Variants in KIAA1217 observed in about 807,000 individuals in gnomAD.
KIAA1217 encodes the protein sickle tail protein homolog.
KIAA1217 carries 88 observed loss-of-function variants against 163.9 expected under a neutral mutation model. The ratio of observed to expected loss-of-function variants is 0.54; its 90% confidence interval spans 0.45 to 0.64. KIAA1217 has a LOEUF of 0.64. Ranked by LOEUF, KIAA1217 falls within the 30% of genes least tolerant of loss-of-function variation. The pLI, the probability that KIAA1217 is intolerant of heterozygous loss-of-function variation, is 0.00. For synonymous variants in KIAA1217, 903 were observed against 923.1 expected, an observed-to-expected ratio of 0.98 and a Z score of 0.39; for missense variants, 2,372 against 2,475.0, an observed-to-expected ratio of 0.96 and a Z score of 0.88.
intron 1 of KIAA1217, among the ~76,000 whole-genome samples, chr10:23,970,418 T>C (rs949087854): frequency 5.3e-5 from 8 of 152,190 alleles, no homozygotes; most frequent in African/African-American, 1.9e-4. Flanking sequence ...CTCATTTGTA[T>C]GTGGAGTCTA....
intron 2 of KIAA1217, among the ~76,000 whole-genome samples, chr10:24,263,240 C>A (rs1225354064): frequency 2.0e-5 from 3 of 152,194 alleles, no homozygotes; most frequent in Non-Finnish European, 1.5e-5. Flanking sequence ...AGTTGTACTT[C>A]CTTAATAATG....
At chr10:24,132,649 A>G (rs1321813373) in intron 2 of KIAA1217, among the ~76,000 whole-genome samples, 1 of 152,208 alleles carries the variant, frequency 6.6e-6, no homozygotes, top group East Asian at 1.9e-4. Context: ...AAAGTGAGGT[A>G]CCAGACCAAG....
At chr10:24,453,364 A>G (rs1280101098) in intron 5 of KIAA1217, among the ~76,000 whole-genome samples, 1 of 152,236 alleles carries the variant, frequency 6.6e-6, no homozygotes, top group Non-Finnish European at 1.5e-5. Context: ...TTTCTGGATT[A>G]TCTTACTAAA....
At chr10:23,742,673 C>T (rs983344584) in intron 1 of KIAA1217, among the ~76,000 whole-genome samples, 3 of 152,204 alleles carry the variant, frequency 2.0e-5, no homozygotes, top group African/African-American at 4.8e-5. Context: ...CCAAGCCATT[C>T]ATGAGGAATC....
Position 24,086,538 on chromosome 10 carries a change from G to A in KIAA1217, c.-171+79164G>A, listed in dbSNP as rs2061703951. 2.0e-5 allele frequency among the ~76,000 whole-genome samples: 3 copies of A among 152,282 alleles called. No homozygotes were observed. In the South Asian group the frequency reaches 6.2e-4, roughly 32 times the overall value. ...CTGTAAGAATTCTGAATCTTATCAA[G>A]GATGCAGTCTAAGTGAACTTGGAAG... is the stretch of plus-strand genomic sequence containing the variant. On this transcript the variant is annotated intron_variant, in intron 2 of 18. Transcript: ENST00000376462.
intron 2 of KIAA1217, among the ~76,000 whole-genome samples, chr10:24,293,568 G>A (rs2079330349): frequency 1.3e-5 from 2 of 152,146 alleles, no homozygotes; most frequent in African/African-American, 4.8e-5. Flanking sequence ...CTTGGCAGCC[G>A]TCAGGCTGAG....
intron 1 of KIAA1217, among the ~76,000 whole-genome samples, chr10:23,697,657 C>T (rs934833103): frequency 3.3e-5 from 5 of 151,590 alleles, no homozygotes; most frequent in Non-Finnish European, 7.4e-5. Context: ...ATCGCTTGAG[C>T]TCTGGAGTTT....
chr10:23,905,064 T>C (rs35678937), intron 1 of KIAA1217, among the ~76,000 whole-genome samples: 32 of 52,392 alleles, frequency 6.1e-4, no homozygotes, highest in African/African-American at 9.9e-4. Flanking sequence ...TCTCTTTTCC[T>C]TTTTTTTTTT....
intron 2 of KIAA1217, among the ~76,000 whole-genome samples, chr10:24,308,103 A>G (rs546283218): frequency 3.9e-5 from 6 of 152,324 alleles, no homozygotes; most frequent in East Asian, 1.9e-4. Context: ...ACGTGTAACA[A>G]TTGTTGAGTA....
intron 2 of KIAA1217, among the ~76,000 whole-genome samples, chr10:24,173,729 TAGA>T (rs1385483755): frequency 6.6e-6 from 1 of 152,212 alleles, no homozygotes; most frequent in Non-Finnish European, 1.5e-5. Context: ...TTCAAAAGCT[TAGA>T]ATACTGCCTG....
chr10:23,906,267 C>A (rs944687051), intron 1 of KIAA1217, among the ~76,000 whole-genome samples: 1 of 151,926 alleles, frequency 6.6e-6, no homozygotes, highest in African/African-American at 2.4e-5. Context: ...CACACACACA[C>A]ACACACAAAA....
chr10:24,103,739 C>T (rs1418765340), intron 2 of KIAA1217, among the ~76,000 whole-genome samples: 2 of 152,094 alleles, frequency 1.3e-5, no homozygotes, highest in African/African-American at 2.4e-5. Context: ...CTGACAACAC[C>T]AAATGCTGAC....
At chr10:24,419,435 A>T (rs2058552162) in intron 3 of KIAA1217, among the ~76,000 whole-genome samples, 2 of 152,188 alleles carry the variant, frequency 1.3e-5, no homozygotes, top group East Asian at 3.9e-4. Flanking sequence ...GTGTCTGTTT[A>T]ATGTCTGAGA....
At chr10:24,091,095 A>C (rs972131969) in intron 2 of KIAA1217, among the ~76,000 whole-genome samples, 3 of 151,946 alleles carry the variant, frequency 2.0e-5, no homozygotes, top group Non-Finnish European at 4.4e-5. Context: ...GAACCATTCC[A>C]CAAAACATTT....
chr10:24,112,316 C>T (rs1378512575), intron 2 of KIAA1217, among the ~76,000 whole-genome samples: 2 of 152,154 alleles, frequency 1.3e-5, no homozygotes, highest in African/African-American at 4.8e-5. Flanking sequence ...CATCTGTAGC[C>T]AGTTGGTTCA....
chr10:23,820,911 G>A (rs1206402662), intron 1 of KIAA1217, among the ~76,000 whole-genome samples: 3 of 152,166 alleles, frequency 2.0e-5, no homozygotes, highest in Non-Finnish European at 4.4e-5. Flanking sequence ...CTGTAAGAAT[G>A]TGCCCCCTTT....
chr10:23,909,044 C>T (rs1842308641), intron 1 of KIAA1217, among the ~76,000 whole-genome samples: 1 of 152,126 alleles, frequency 6.6e-6, no homozygotes, highest in South Asian at 2.1e-4. Context: ...AAATTAATGG[C>T]ATTCACAGCA....
chr10:24,326,188 G>T (rs1007756454), intron 2 of KIAA1217, among the ~76,000 whole-genome samples: 2 of 151,800 alleles, frequency 1.3e-5, no homozygotes, highest in Admixed American at 1.3e-4. Context: ...TTATTACTAC[G>T]GTATCTCTAT....
intron 1 of KIAA1217, among the ~76,000 whole-genome samples, chr10:23,821,508 G>T (rs538041983): frequency 6.6e-6 from 1 of 152,254 alleles, no homozygotes; most frequent in African/African-American, 2.4e-5. Flanking sequence ...ATATTCCAAA[G>T]GTCAAACACA....
Sources: allele counts gnomAD v4.1 joint callset (sites outside exome capture counted in the v4.1 genomes callset), GRCh38; gene constraint gnomAD v4.1.1; transcripts MANE v1.5; gene names NCBI Gene and HGNC (gene_info 2026-07-23, HGNC 2026-07-21).